ESD: variants seen among roughly 807,000 people sequenced by gnomAD.
The protein encoded by ESD is S-formylglutathione hydrolase.
ESD carries 34 observed loss-of-function variants against 38.1 expected under a neutral mutation model. The observed-to-expected ratio is 0.89, with a 90% CI of 0.68 to 1.19. The LOEUF is 1.19. Among genes scored for constraint, ESD ranks in the 50% most tolerant of loss-of-function variants. The pLI is 0.00. For missense variants in ESD, 334 were observed against 327.2 expected (o/e 1.02, Z -0.16); for synonymous variants, 97 against 107.0 (o/e 0.91, Z 0.58).
At chr13:46,782,897 A>T in intron 5 of ESD, 106 bp from the exon 6 acceptor site, 3 of 1,378,454 alleles carry the variant, frequency 2.2e-6, no homozygotes, top group Non-Finnish European at 3.0e-6. Flanking sequence ...GGAACTGTTC[A>T]CCAAATGTTG....
At chr13:46,793,968 T>C (rs1443698697) in intron 1 of ESD, among the ~76,000 whole-genome samples, 3 of 152,174 alleles carry the variant, frequency 2.0e-5, no homozygotes, top group African/African-American at 4.8e-5. Flanking sequence ...ATGAAGTGAC[T>C]GATATTCAGT....
intron 7 of ESD, 116 bp from the exon 8 acceptor site, chr13:46,780,149 G>A (rs1874950503): frequency 4.7e-6 from 3 of 635,980 alleles, no homozygotes; most frequent in Non-Finnish European, 5.0e-6. Context: ...TAAAAATTCT[G>A]ACTTGCCATG....
At chr13:46,795,123 A>G (rs368221473) in intron 1 of ESD, among the ~76,000 whole-genome samples, 2 of 152,272 alleles carry the variant, frequency 1.3e-5, no homozygotes, top group South Asian at 4.1e-4. Context: ...TGTCTTGCCT[A>G]ATCTACATTT....
At chr13:46,795,242 G>C (rs1198966937) in intron 1 of ESD, among the ~76,000 whole-genome samples, 1 of 152,000 alleles carries the variant, frequency 6.6e-6, no homozygotes, top group Non-Finnish European at 1.5e-5. Context: ...ATCCCACTAC[G>C]ATCAATCCTG....
At chr13:46,794,116 G>A (rs1365717009) in intron 1 of ESD, among the ~76,000 whole-genome samples, 2 of 150,458 alleles carry the variant, frequency 1.3e-5, no homozygotes, top group Non-Finnish European at 1.5e-5. Flanking sequence ...GAGTAGGGTG[G>A]AATACCAAAA....
rs759443898 is a variant in ESD at position 46,777,613 on chromosome 13, GCAT to G, written c.608_610del (p.Asp203del). On this transcript the variant is annotated inframe_deletion, in exon 9 of 10. Transcript: ENST00000378720. ...TGGATAGGATTTCACAAGGTGGGTA[GCAT>G]CATAAGCCTGTAAAAAGAGAAGTAA... The G allele has an allele frequency of 6.2e-7, 1 of 1,604,244 alleles. No homozygotes were observed. Among genetic ancestry groups the G allele is most frequent in the Admixed American group, 1.7e-5 (1 of 58,828 alleles).
intron 8 of ESD, among the ~76,000 whole-genome samples, chr13:46,778,588 C>G (rs1376475520): frequency 6.6e-6 from 1 of 151,774 alleles, no homozygotes; most frequent in Non-Finnish European, 1.5e-5. Flanking sequence ...CTCACCTTCA[C>G]CCTCCAATTA....
chr13:46,790,198 A>G (rs1875346975), intron 3 of ESD, among the ~76,000 whole-genome samples: 1 of 152,032 alleles, frequency 6.6e-6, no homozygotes, highest in Admixed American at 6.6e-5. Flanking sequence ...AATATCTTTT[A>G]TACTTTGATA....
intron 3 of ESD, among the ~76,000 whole-genome samples, chr13:46,788,123 T>C (rs1875259781): frequency 6.6e-6 from 1 of 152,010 alleles, no homozygotes; most frequent in African/African-American, 2.4e-5. Context: ...AGCCATGTAG[T>C]ATATTAGCAT....
At position 46,781,618 on chromosome 13, in the gene ESD, A is replaced by G. The variant is rs754689056; in HGVS notation, c.382-3T>C. On this transcript the variant is annotated splice_region_variant and splice_polypyrimidine_tract_variant and intron_variant, in intron 6 of 9. Coordinates refer to ENST00000378720, the MANE Select transcript of ESD (RefSeq NM_001984.2). ...TTGGCATTTATGAGTTGGGGAAGCTAGAAAAAATTTAATAGTGTGACAAAA... is the reference window on the plus strand; with the variant it reads ...TTGGCATTTATGAGTTGGGGAAGCTGGAAAAAATTTAATAGTGTGACAAAA... The G allele has an allele frequency of 6.2e-7, 1 of 1,603,692 alleles. No individual in the cohort carries two copies. The highest frequency in any genetic ancestry group is 8.5e-7 in the Non-Finnish European group (1 of 1,173,888).
At chr13:46,779,807 T>C (rs1419663227) in intron 8 of ESD, 128 bp downstream of exon 8, 2 of 305,448 alleles carry the variant, frequency 6.5e-6, no homozygotes, top group Non-Finnish European at 1.2e-5. Context: ...GATATATATA[T>C]ATCTTTTGCT....
intron 9 of ESD, among the ~76,000 whole-genome samples, chr13:46,773,724 C>A (rs1421282022): frequency 6.6e-6 from 1 of 152,174 alleles, no homozygotes; most frequent in East Asian, 1.9e-4. Context: ...CTAAAGCAAT[C>A]TGTCTTCTAT....
At chr13:46,774,111 T>TA (rs991075318) in intron 9 of ESD, among the ~76,000 whole-genome samples, 26 of 152,132 alleles carry the variant, frequency 1.7e-4, no homozygotes, top group Admixed American at 6.6e-4. Context: ...TTTTTATCCT[T>TA]AGTTTCTTGT....
chr13:46,775,966 T>C (rs1403177147), intron 9 of ESD: 1 of 227,724 alleles, frequency 4.4e-6, no homozygotes, highest in Admixed American at 5.4e-5. Flanking sequence ...AGAATCATTG[T>C]AGAAACAACA....
intron 3 of ESD, among the ~76,000 whole-genome samples, chr13:46,789,034 T>C (rs1174754829): frequency 6.6e-6 from 1 of 152,204 alleles, no homozygotes; most frequent in Non-Finnish European, 1.5e-5. Context: ...GAAATGTGGC[T>C]AGTGGGACTG....
chr13:46,796,406 A>AG (rs1448168270), intron 1 of ESD, among the ~76,000 whole-genome samples: 1 of 152,236 alleles, frequency 6.6e-6, no homozygotes, highest in Non-Finnish European at 1.5e-5. Context: ...CGTAGTGCTT[A>AG]AAATGCTGCT....
chr13:46,781,744 A>G, intron 6 of ESD, 129 bp from the exon 7 acceptor site: 1 of 804,300 alleles, frequency 1.2e-6, no homozygotes, highest in Non-Finnish European at 2.0e-6. Context: ...AACTAGTAAC[A>G]ATGAAAACAA....
At position 46,777,551 on chromosome 13, in the gene ESD, C is replaced by G. The variant is rs769382359; in HGVS notation, c.673G>C (p.Asp225His). 9 of 1,611,604 alleles carry G rather than the reference C, an allele frequency of 5.6e-6. 1 individual carries two copies. The highest frequency in any genetic ancestry group is 3.3e-5 in the Admixed American group (2 of 59,904). ...QLDILIDQGK[D>H]DQFLLDGQLL... ...TGTCCATCTAAAAGAAACTGGTCAT[C>G]TTTCCCTTGATCAATTAGTATGTCC... Residue 225 changes from aspartate to histidine, a missense_variant, in exon 9 of 10, where the codon GAT (aspartate) becomes CAT (histidine). Coordinates refer to ENST00000378720, the MANE Select transcript of ESD (RefSeq NM_001984.2).
intron 8 of ESD, among the ~76,000 whole-genome samples, chr13:46,779,259 C>T (rs186801231): frequency 7.2e-5 from 11 of 151,772 alleles, no homozygotes; most frequent in Admixed American, 2.6e-4. Context: ...AATTTAAAAT[C>T]GAGATCTGAA....
Sources: allele counts gnomAD v4.1 joint callset (sites outside exome capture counted in the v4.1 genomes callset), GRCh38; gene constraint gnomAD v4.1.1; transcripts MANE v1.5; gene names NCBI Gene and HGNC (gene_info 2026-07-23, HGNC 2026-07-21).